Variants in UGGT1 observed in about 807,000 individuals in gnomAD.
UGGT1 encodes the protein UDP-glucose:glycoprotein glucosyltransferase 1.
UGGT1 carries 107 observed loss-of-function variants against 203.9 expected under a neutral mutation model. The observed-to-expected ratio is 0.52, with a 90% CI of 0.45 to 0.62. UGGT1 has a LOEUF of 0.62. Ranked by LOEUF, UGGT1 falls within the 20% of genes least tolerant of loss-of-function variation. The pLI is 0.00. For missense variants in UGGT1, 1,673 were observed against 1,867.2 expected, an observed-to-expected ratio of 0.90 and a Z score of 1.92; for synonymous variants, 628 against 653.5, an observed-to-expected ratio of 0.96 and a Z score of 0.59.
At chr2:128,115,029 T>C (rs542820840) in intron 6 of UGGT1, 95 bp from the exon 7 acceptor site, 25 of 1,030,706 alleles carry the variant, frequency 2.4e-5, no homozygotes, top group Non-Finnish European at 3.7e-5. Context: ...TCCGAGGTAA[T>C]GGCTAGTAGA....
At chr2:128,144,185 C>G (rs896751851) in intron 17 of UGGT1, among the ~76,000 whole-genome samples, 1 of 152,150 alleles carries the variant, frequency 6.6e-6, no homozygotes, top group African/African-American at 2.4e-5. Flanking sequence ...CCTTACTAAT[C>G]TCAGTTGTTT....
intron 6 of UGGT1, among the ~76,000 whole-genome samples, chr2:128,113,698 A>AATATTTAGTCATTTAAAATATTTATAT (rs1573513808): frequency 5.6e-5 from 2 of 35,672 alleles, no homozygotes; most frequent in Non-Finnish European, 1.3e-4. Flanking sequence ...GACTCTGTGT[A>AATATTTAGTCATTTAAAATATTTATAT]GGCCGGGCGC....
At chr2:128,159,483 A>C in intron 22 of UGGT1, 31 bp from the exon 23 acceptor site, 9 of 1,593,486 alleles carry the variant, frequency 5.6e-6, no homozygotes, top group Non-Finnish European at 7.7e-6. Flanking sequence ...AATATCTACA[A>C]TATGACTCCC....
At chr2:128,108,473 GT>G (rs1427101752) in intron 4 of UGGT1, among the ~76,000 whole-genome samples, 1 of 152,076 alleles carries the variant, frequency 6.6e-6, no homozygotes, top group East Asian at 1.9e-4. Flanking sequence ...TTGTAGTAAA[GT>G]AATCTAGTTT....
At chr2:128,178,753 G>A (rs995067354) in intron 34 of UGGT1, among the ~76,000 whole-genome samples, 184 bp downstream of exon 34, 4 of 152,190 alleles carry the variant, frequency 2.6e-5, no homozygotes, top group African/African-American at 9.6e-5. Context: ...CTGTGAAGTT[G>A]AACTATGTAG....
chr2:128,113,566 C>G (rs1687963100), intron 6 of UGGT1, among the ~76,000 whole-genome samples: 1 of 152,142 alleles, frequency 6.6e-6, no homozygotes, highest in African/African-American at 2.4e-5. Flanking sequence ...TTGTTGAATT[C>G]AGTTTCCTTT....
In UGGT1 at chr2:128,173,790, G is replaced by A; in HGVS notation, c.3304G>A (p.Val1102Ile). The change falls in exon 30 of 41, where the codon GTA (valine) becomes ATA (isoleucine). Residue 1102 changes from valine (V) to isoleucine (I), a missense_variant. By Grantham distance (29) the Val-to-Ile change is conservative. Around this residue, in one of 4 missense-constraint regions of UGGT1, gnomAD observed 513 missense variants for 684.1 expected, o/e 0.75. Transcript: ENST00000259253. ...DNIYLEEVDS[V>I]VAAEYELEYL... ...GGATTTTGGCTTGCAGGTGGACAGT[G>A]TAGTGGCTGCTGAGTATGAGCTGGA... The A allele has an allele frequency of 7.4e-6, 12 of 1,614,124 alleles. No individual in the cohort carries two copies. The highest frequency in any genetic ancestry group is 1.0e-5 in the Non-Finnish European group (12 of 1,180,004).
intron 33 of UGGT1, 106 bp from the exon 34 acceptor site, chr2:128,178,362 C>T: frequency 1.0e-6 from 1 of 970,192 alleles, no homozygotes; most frequent in South Asian, 1.6e-5. Flanking sequence ...CTGCAGCTCA[C>T]CCGCTAGGGA....
Position 128,129,191 on chromosome 2 carries a change from G to A in UGGT1, c.1377+12G>A. On this transcript the variant is annotated intron_variant, in intron 13 of 40. Transcript: ENST00000259253. The stretch of plus-strand genomic sequence containing the variant: ...GTCCTGCTATTTCAGTGAGTATTTT[G>A]TTAGGGTGATCAAAGGACTTTCTGA... The A allele has an allele frequency of 2.5e-6, 4 of 1,601,540 alleles. No individual in the cohort carries two copies. Among genetic ancestry groups the A allele is most frequent in the East Asian group, 4.5e-5 (2 of 44,558 alleles).
chr2:128,128,498 G>A (rs1275414168), intron 12 of UGGT1, among the ~76,000 whole-genome samples: 1 of 152,008 alleles, frequency 6.6e-6, no homozygotes, highest in African/African-American at 2.4e-5. Flanking sequence ...ATTTTTAGTG[G>A]AGATGGGGTT....
At chr2:128,093,887 C>T (rs185985037) in intron 1 of UGGT1, among the ~76,000 whole-genome samples, 320 of 152,284 alleles carry the variant, frequency 2.1e-3, no homozygotes, top group Non-Finnish European at 3.7e-3. Flanking sequence ...CTTTGGTAAA[C>T]GAAGTAGACA....
intron 12 of UGGT1, among the ~76,000 whole-genome samples, chr2:128,127,831 T>C (rs1688674131): frequency 6.6e-6 from 1 of 152,152 alleles, no homozygotes; most frequent in African/African-American, 2.4e-5. Flanking sequence ...CCCAGCACTT[T>C]GGGAGGCTGA....
At chr2:128,096,915 A>C (rs1332136160) in intron 1 of UGGT1, among the ~76,000 whole-genome samples, 1 of 152,206 alleles carries the variant, frequency 6.6e-6, no homozygotes, top group Admixed American at 6.5e-5. Context: ...GTAATAACCT[A>C]AGTGCCTTCA....
At chr2:128,171,449 A>G in intron 28 of UGGT1, 165 bp downstream of exon 28, 1 of 658,042 alleles carries the variant, frequency 1.5e-6, no homozygotes, top group Non-Finnish European at 2.6e-6. Context: ...AGAAGTTCTA[A>G]GAACATAGTG....
intron 15 of UGGT1, among the ~76,000 whole-genome samples, chr2:128,137,822 C>T (rs1397229092): frequency 6.6e-6 from 1 of 152,172 alleles, no homozygotes; most frequent in Non-Finnish European, 1.5e-5. Flanking sequence ...ATTGAAATGC[C>T]TTTGCCCCAG....
intron 35 of UGGT1, among the ~76,000 whole-genome samples, 185 bp downstream of exon 35, chr2:128,180,055 T>C (rs1479620856): frequency 6.6e-6 from 1 of 152,238 alleles, no homozygotes; most frequent in African/African-American, 2.4e-5. Flanking sequence ...ACAGTTAAAT[T>C]GTGTTTAAAA....
intron 25 of UGGT1, among the ~76,000 whole-genome samples, chr2:128,162,083 G>C (rs774641927): frequency 6.6e-6 from 1 of 152,084 alleles, no homozygotes; most frequent in Non-Finnish European, 1.5e-5. Flanking sequence ...TGGGTATGAA[G>C]TGCTGTCTCC....
intron 22 of UGGT1, 63 bp from the exon 23 acceptor site, chr2:128,159,451 A>T: frequency 6.9e-7 from 1 of 1,442,518 alleles, no homozygotes; most frequent in Non-Finnish European, 9.7e-7. Flanking sequence ...GACTGATGTT[A>T]ATGCTGCTTT....
intron 22 of UGGT1, among the ~76,000 whole-genome samples, 194 bp from the exon 23 acceptor site, chr2:128,159,320 C>G (rs572807218): frequency 6.6e-6 from 1 of 151,860 alleles, no homozygotes; most frequent in East Asian, 1.9e-4. Context: ...AGGCTGGTCT[C>G]GAACTCCTGA....
Sources: gnomAD v4.1 joint callset for allele counts (sites outside exome capture counted in the v4.1 genomes callset) on GRCh38, gnomAD v4.1.1 for gene constraint, gnomAD v4.1.1 regional missense constraint, MANE v1.5 for transcripts, NCBI Gene and HGNC (gene_info 2026-07-23, HGNC 2026-07-21) for gene names.